Variants in ADAMTSL1 observed in about 807,000 individuals in gnomAD.
The protein encoded by ADAMTSL1 is ADAMTS-like protein 1.
In ADAMTSL1, 126 loss-of-function variants were observed where a neutral mutation model predicts 201.8. The ratio of observed to expected loss-of-function variants is 0.62; its 90% CI spans 0.54 to 0.72. The LOEUF is 0.72. Ranked by LOEUF, ADAMTSL1 falls within the 30% of genes least tolerant of loss-of-function variation. ADAMTSL1 has a pLI of 0.00. For missense variants in ADAMTSL1, 2,679 were observed against 2,277.8 expected (o/e 1.18, Z -3.59); for synonymous variants, 1,121 against 903.4 (o/e 1.24, Z -4.32).
intron 1 of ADAMTSL1, among the ~76,000 whole-genome samples, chr9:18,055,013 G>A (rs942851516): frequency 4.6e-5 from 7 of 152,130 alleles, no homozygotes; most frequent in African/African-American, 1.4e-4. Context: ...ATGGATTTCC[G>A]GAGTGGGTGG....
chr9:18,772,823 C>G (rs1820770308), intron 17 of ADAMTSL1, among the ~76,000 whole-genome samples: 1 of 152,196 alleles, frequency 6.6e-6, no homozygotes, highest in Admixed American at 6.5e-5. Flanking sequence ...ACAGGCTCTC[C>G]TGGTCTTCCT....
At chr9:18,212,638 T>G (rs1829920554) in intron 2 of ADAMTSL1, among the ~76,000 whole-genome samples, 1 of 152,088 alleles carries the variant, frequency 6.6e-6, no homozygotes, top group Non-Finnish European at 1.5e-5. Context: ...TGCAAATTGA[T>G]GTTGGGCCGT....
chr9:18,726,681 C>G (rs777886375), intron 15 of ADAMTSL1, among the ~76,000 whole-genome samples: 1 of 151,886 alleles, frequency 6.6e-6, no homozygotes, highest in Non-Finnish European at 1.5e-5. Flanking sequence ...ATTTGGTAAA[C>G]GTATGTGGAG....
At chr9:18,476,121 G>A (rs1821437849) in intron 1 of ADAMTSL1, among the ~76,000 whole-genome samples, 1 of 152,064 alleles carries the variant, frequency 6.6e-6, no homozygotes, top group African/African-American at 2.4e-5. Flanking sequence ...GGAAATCTGA[G>A]AGTTATGCTA....
intron 22 of ADAMTSL1, among the ~76,000 whole-genome samples, chr9:18,828,924 A>G (rs1454725158): frequency 6.6e-6 from 1 of 151,756 alleles, no homozygotes; most frequent in Non-Finnish European, 1.5e-5. Flanking sequence ...TGTTGAAATG[A>G]CCATCCATTT....
intron 1 of ADAMTSL1, among the ~76,000 whole-genome samples, chr9:18,157,654 A>G (rs1022494491): frequency 3.3e-5 from 5 of 152,034 alleles, no homozygotes; most frequent in African/African-American, 1.2e-4. Context: ...AATTATCTTT[A>G]CAATCCTTAG....
At chr9:18,349,845 G>A (rs1002315506) in intron 2 of ADAMTSL1, among the ~76,000 whole-genome samples, 28 of 151,774 alleles carry the variant, frequency 1.8e-4, no homozygotes, top group Admixed American at 6.6e-4. Flanking sequence ...AAGCTTTTCA[G>A]AGCATTTAGC....
intron 1 of ADAMTSL1, among the ~76,000 whole-genome samples, chr9:17,918,655 T>A (rs986391776): frequency 1.3e-5 from 2 of 151,894 alleles, no homozygotes; most frequent in African/African-American, 4.8e-5. Context: ...TTGCTATTGT[T>A]TGATAGAATG....
At chr9:18,126,867 A>G (rs1825752737) in intron 1 of ADAMTSL1, among the ~76,000 whole-genome samples, 1 of 152,230 alleles carries the variant, frequency 6.6e-6, no homozygotes, top group Non-Finnish European at 1.5e-5. Context: ...GATTGCAACA[A>G]ATAGTTGCAG....
At chr9:18,552,524 G>T (rs1820850477) in intron 3 of ADAMTSL1, among the ~76,000 whole-genome samples, 1 of 151,682 alleles carries the variant, frequency 6.6e-6, no homozygotes, top group Admixed American at 6.6e-5. Context: ...ATGTTTTCCT[G>T]CTCTGGAGTG....
chr9:18,255,138 T>C (rs1831631506), intron 2 of ADAMTSL1, among the ~76,000 whole-genome samples: 1 of 152,238 alleles, frequency 6.6e-6, no homozygotes, highest in African/African-American at 2.4e-5. Context: ...TTTGGCATTA[T>C]AATATTAACA....
chr9:18,847,955 A>C (rs1826238396), intron 23 of ADAMTSL1, among the ~76,000 whole-genome samples: 1 of 152,264 alleles, frequency 6.6e-6, no homozygotes, highest in Non-Finnish European at 1.5e-5. Flanking sequence ...TTCCAGCATT[A>C]GACAGGGGCA....
chr9:18,410,575 A>G lies in ADAMTSL1; in HGVS notation c.208-94254A>G, dbSNP rs181206467. Among the ~76,000 whole-genome samples the G allele has an allele frequency of 5.0e-3, 754 of 152,300 alleles. 10 individuals are homozygous for G. The highest frequency in any genetic ancestry group is 0.018 in the African/African-American group (730 of 41,564). ...TGATCTCATTCCTTTTTATGGCTGC[A>G]TAGTATTACATGGTGCATATATACC... On this transcript the variant is annotated intron_variant, in intron 2 of 29. Transcript: ENST00000680146.
At chr9:18,134,715 G>C (rs1160734841) in intron 1 of ADAMTSL1, among the ~76,000 whole-genome samples, 1 of 152,244 alleles carries the variant, frequency 6.6e-6, no homozygotes, top group East Asian at 1.9e-4. Context: ...AGTCATTATC[G>C]AATATAGGGA....
At chr9:18,297,378 T>A (rs1207188280) in intron 2 of ADAMTSL1, among the ~76,000 whole-genome samples, 1 of 152,066 alleles carries the variant, frequency 6.6e-6, no homozygotes, top group Non-Finnish European at 1.5e-5. Context: ...TCTTTTTTTT[T>A]TTTAAGTCCT....
chr9:17,930,455 C>T (rs1381985446), intron 1 of ADAMTSL1, among the ~76,000 whole-genome samples: 2 of 151,930 alleles, frequency 1.3e-5, no homozygotes, highest in Admixed American at 1.3e-4. Flanking sequence ...CCCTCTTGTC[C>T]CTCCACAAGA....
At chr9:18,461,801 C>G (rs942923283) in intron 2 of ADAMTSL1, among the ~76,000 whole-genome samples, 1 of 152,020 alleles carries the variant, frequency 6.6e-6, no homozygotes, top group Admixed American at 6.6e-5. Flanking sequence ...TTCATTGATC[C>G]GTTGACTAAC....
At chr9:18,011,063 T>G (rs1820032443) in intron 1 of ADAMTSL1, among the ~76,000 whole-genome samples, 1 of 151,982 alleles carries the variant, frequency 6.6e-6, no homozygotes, top group African/African-American at 2.4e-5. Context: ...CTTATATATC[T>G]TATAAATGAT....
At chr9:18,838,905 A>T (rs1825515304) in intron 23 of ADAMTSL1, among the ~76,000 whole-genome samples, 1 of 151,392 alleles carries the variant, frequency 6.6e-6, no homozygotes, top group Admixed American at 6.6e-5. Context: ...AACCTAAAAT[A>T]TGTAATTACA....
Sources: allele counts gnomAD v4.1 joint callset (sites outside exome capture counted in the v4.1 genomes callset), GRCh38; gene constraint gnomAD v4.1.1; transcripts MANE v1.5; gene names NCBI Gene and HGNC (gene_info 2026-07-23, HGNC 2026-07-21).